The following SMOC2 variants were observed in gnomAD, a reference collection of about 807,000 sequenced individuals.
SMOC2 encodes SPARC-related modular calcium-binding protein 2.
SMOC2 carries 39 observed loss-of-function variants against 61.4 expected under a neutral mutation model. That is an observed-to-expected ratio of 0.64 (90% confidence interval 0.49 to 0.83). The LOEUF is 0.83. SMOC2 is among the 40% of genes least tolerant of loss of function. The probability of loss-of-function intolerance (pLI) is 0.00; values close to 1 mark genes in which losing one functional copy is unlikely to be tolerated. For synonymous variants in SMOC2, 247 were observed against 239.9 expected, an observed-to-expected ratio of 1.03 and a Z score of -0.27; for missense variants, 556 against 592.9, an observed-to-expected ratio of 0.94 and a Z score of 0.65.
chr6:168,560,570 GCA>G (rs1784391097), intron 7 of SMOC2, among the ~76,000 whole-genome samples: 1 of 130,624 alleles, frequency 7.7e-6, no homozygotes, highest in African/African-American at 3.0e-5. Context: ...GGCTCTCACT[GCA>G]TTCTTGGAGG....
chr6:168,589,416 G>C (rs1446825477), intron 7 of SMOC2, among the ~76,000 whole-genome samples: 1 of 152,260 alleles, frequency 6.6e-6, no homozygotes, highest in Non-Finnish European at 1.5e-5. Context: ...CCACGCAGCT[G>C]CCAGCAATGG....
intron 9 of SMOC2, among the ~76,000 whole-genome samples, chr6:168,623,396 T>C (rs1343336791): frequency 1.4e-5 from 2 of 147,840 alleles, no homozygotes; most frequent in African/African-American, 5.0e-5. Context: ...AGTGACATGA[T>C]CTTTGCTCAC....
At chr6:168,531,866 T>C (rs1562331741) in intron 4 of SMOC2, among the ~76,000 whole-genome samples, 1 of 152,212 alleles carries the variant, frequency 6.6e-6, no homozygotes, top group Non-Finnish European at 1.5e-5. Context: ...ATCAAAATTC[T>C]TGGGGCCTTG....
At chr6:168,597,847 A>G (rs1335193044) in intron 7 of SMOC2, among the ~76,000 whole-genome samples, 10 of 152,120 alleles carry the variant, frequency 6.6e-5, no homozygotes, top group African/African-American at 2.4e-4. Flanking sequence ...GGTGAGGGCC[A>G]GTCAGGAGGC....
intron 9 of SMOC2, among the ~76,000 whole-genome samples, chr6:168,636,871 T>A (rs1251748368): frequency 1.8e-5 from 1 of 56,614 alleles, no homozygotes; most frequent in Non-Finnish European, 3.5e-5. Context: ...CCCGCCTCCC[T>A]CCTCCCGCCT....
intron 1 of SMOC2, among the ~76,000 whole-genome samples, chr6:168,491,220 G>A (rs1238627655): frequency 6.6e-6 from 1 of 152,202 alleles, no homozygotes; most frequent in Non-Finnish European, 1.5e-5. Flanking sequence ...TCTTGTGGAA[G>A]CTGGAGAATT....
chr6:168,623,482 C>CTTATTTATTTATTTATTTAT (rs146563724), intron 9 of SMOC2, among the ~76,000 whole-genome samples: 11 of 146,480 alleles, frequency 7.5e-5, no homozygotes, highest in African/African-American at 2.0e-4. Context: ...CCCCACCTGG[C>CTTATTTATTTATTTATTTAT]TTATTTATTT....
intron 5 of SMOC2, 115 bp downstream of exon 5, chr6:168,543,787 C>A (rs1783929010): frequency 2.2e-6 from 2 of 928,342 alleles, no homozygotes; most frequent in South Asian, 1.5e-5. Flanking sequence ...AGAGCCGAAC[C>A]AGTTTGTTAC....
At chr6:168,596,950 T>G (rs1010916910) in intron 7 of SMOC2, among the ~76,000 whole-genome samples, 2 of 152,238 alleles carry the variant, frequency 1.3e-5, no homozygotes, top group African/African-American at 2.4e-5. Flanking sequence ...ATTAAACCGA[T>G]TTTGAGCACC....
intron 4 of SMOC2, among the ~76,000 whole-genome samples, chr6:168,540,174 T>C (rs1783846696): frequency 6.6e-6 from 1 of 152,234 alleles, no homozygotes; most frequent in Non-Finnish European, 1.5e-5. Flanking sequence ...CGTCGTTTCC[T>C]GTGGACACGT....
At position 168,548,369 on chromosome 6, in the gene SMOC2, T is replaced by G. The variant is rs557463171; in HGVS notation, c.563-760T>G. On this transcript the variant is annotated intron_variant, in intron 6 of 12. Coordinates refer to ENST00000356284, the MANE Select transcript of SMOC2 (RefSeq NM_001166412.2). ...TACATTCCTTTTTTTTTTTTTTTTT[T>G]GTGAGACAGAGTTTTGCTTTTGTTG... 6.9e-3 allele frequency among the ~76,000 whole-genome samples: 1,037 copies of G among 150,332 alleles called. 11 individuals are homozygous for G. Among genetic ancestry groups the G allele is most frequent in the African/African-American group, 0.024 (989 of 40,656 alleles).
At chr6:168,467,180 C>CACACACGT (rs1283180086) in intron 1 of SMOC2, among the ~76,000 whole-genome samples, 1 of 148,204 alleles carries the variant, frequency 6.7e-6, no homozygotes, top group Non-Finnish European at 1.5e-5. Flanking sequence ...CACACACACA[C>CACACACGT]ACGTTTATTT....
At chr6:168,622,745 C>T (rs1786278157) in intron 9 of SMOC2, among the ~76,000 whole-genome samples, 1 of 152,022 alleles carries the variant, frequency 6.6e-6, no homozygotes, top group Admixed American at 6.5e-5. Flanking sequence ...CACAGAGAGC[C>T]TCCTTCACAG....
intron 11 of SMOC2, among the ~76,000 whole-genome samples, chr6:168,657,702 A>C (rs1010189374): frequency 2.3e-4 from 35 of 152,162 alleles, no homozygotes; most frequent in African/African-American, 7.5e-4. Context: ...TGGGCAGTCC[A>C]AGATTGTGGA....
At position 168,666,183 on chromosome 6, in the gene SMOC2, G is replaced by T. The variant is rs544166382; in HGVS notation, c.1324-238G>T. On this transcript the variant is annotated intron_variant, in intron 12 of 12. Coordinates refer to ENST00000356284, the MANE Select transcript of SMOC2 (RefSeq NM_001166412.2). ...AGTACTTAGAATATTTACAGTGGATGTTACTTTTTTGAAACGATATATTTT... is the reference window on the plus strand; with the variant it reads ...AGTACTTAGAATATTTACAGTGGATTTTACTTTTTTGAAACGATATATTTT... Among the ~76,000 whole-genome samples, 176 of 152,284 alleles carry T rather than the reference G, an allele frequency of 1.2e-3. 3 individuals carry two copies. Among genetic ancestry groups the T allele is most frequent in the African/African-American group, 4.1e-3 (170 of 41,556 alleles).
chr6:168,464,230 AAAAGGAAGGAAGGAAG>A (rs1562541670), intron 1 of SMOC2, among the ~76,000 whole-genome samples: 3 of 150,234 alleles, frequency 2.0e-5, no homozygotes, highest in Non-Finnish European at 3.0e-5. Context: ...AGGAAGGAAG[AAAAGGAAGGAAGGAAG>A]AAAGGAAGGA....
At chr6:168,608,039 A>G (rs1785756239) in intron 8 of SMOC2, 118 bp from the exon 9 acceptor site, 1 of 854,720 alleles carries the variant, frequency 1.2e-6, no homozygotes, top group Non-Finnish European at 1.8e-6. Flanking sequence ...TCATAGCATC[A>G]GAGCCACAGG....
At chr6:168,545,278 G>C (rs1335032161) in intron 5 of SMOC2, among the ~76,000 whole-genome samples, 2 of 152,018 alleles carry the variant, frequency 1.3e-5, no homozygotes, top group South Asian at 2.1e-4. Flanking sequence ...AAATCTAGAG[G>C]AATTAGTACA....
chr6:168,565,797 C>A (rs1784527665), intron 7 of SMOC2, among the ~76,000 whole-genome samples: 1 of 152,162 alleles, frequency 6.6e-6, no homozygotes, highest in South Asian at 2.1e-4. Context: ...CAGCTGTCTT[C>A]CCAGTGAAAA....
Sources: allele counts gnomAD v4.1 joint callset (sites outside exome capture counted in the v4.1 genomes callset), GRCh38; gene constraint gnomAD v4.1.1; transcripts MANE v1.5; gene names NCBI Gene and HGNC (gene_info 2026-07-23, HGNC 2026-07-21).